The following HDAC9 variants were observed in gnomAD, a reference collection of about 807,000 sequenced individuals.
HDAC9 encodes MEF-2 interacting transcription repressor (MITR) protein.
A neutral mutation model predicts 139.4 loss-of-function variants in HDAC9; 41 were observed. The ratio of observed to expected loss-of-function variants is 0.29; its 90% CI spans 0.23 to 0.38. The LOEUF is 0.38. Ranked by LOEUF, HDAC9 falls within the 10% of genes least tolerant of loss-of-function variation. The pLI, the probability that HDAC9 is intolerant of heterozygous loss-of-function variation, is 1.00. For synonymous variants in HDAC9, 517 were observed against 476.2 expected, an observed-to-expected ratio of 1.09 and a Z score of -1.12; for missense variants, 1,147 against 1,297.0, an observed-to-expected ratio of 0.88 and a Z score of 1.78.
intron 22 of HDAC9, among the ~76,000 whole-genome samples, chr7:18,881,722 G>C (rs1024960008): frequency 6.6e-6 from 1 of 152,028 alleles, no homozygotes; most frequent in African/African-American, 2.4e-5. Context: ...TAATGTTATG[G>C]TTGTAATATT....
chr7:18,141,404 C>T (rs1255444439), intron 1 of HDAC9, among the ~76,000 whole-genome samples: 3 of 152,128 alleles, frequency 2.0e-5, no homozygotes, highest in African/African-American at 7.2e-5. Flanking sequence ...CCATCAGAGC[C>T]TATAGGCAGG....
chr7:18,449,725 A>G (rs527434696), intron 1 of HDAC9, among the ~76,000 whole-genome samples: 1 of 152,312 alleles, frequency 6.6e-6, no homozygotes, highest in South Asian at 2.1e-4. Flanking sequence ...AATATTACTG[A>G]AAATTTTATT....
intron 25 of HDAC9, among the ~76,000 whole-genome samples, chr7:18,994,608 C>A (rs1055667176): frequency 4.0e-5 from 6 of 151,894 alleles, no homozygotes; most frequent in African/African-American, 1.5e-4. Context: ...GATTATCATT[C>A]TTTATTTTTA....
At chr7:18,515,543 A>G (rs1039368092) in intron 2 of HDAC9, among the ~76,000 whole-genome samples, 1 of 152,222 alleles carries the variant, frequency 6.6e-6, no homozygotes. Flanking sequence ...AGTATCCTGG[A>G]CCAAGATTTG....
intron 2 of HDAC9, among the ~76,000 whole-genome samples, chr7:18,223,883 C>T (rs1294085570): frequency 1.3e-5 from 2 of 152,114 alleles, no homozygotes; most frequent in Non-Finnish European, 2.9e-5. Context: ...TCACACATAT[C>T]TTTTCTTCCA....
chr7:18,207,812 T>C (rs1170577520), intron 2 of HDAC9, among the ~76,000 whole-genome samples: 1 of 151,920 alleles, frequency 6.6e-6, no homozygotes. Context: ...CCTCCCGGGT[T>C]CAAGCAATTC....
intron 2 of HDAC9, among the ~76,000 whole-genome samples, chr7:18,575,861 C>G (rs2128756537): frequency 6.6e-6 from 1 of 152,296 alleles, no homozygotes; most frequent in South Asian, 2.1e-4. Flanking sequence ...ATTCACACCA[C>G]ACATGCACTG....
intron 2 of HDAC9, among the ~76,000 whole-genome samples, chr7:18,562,102 C>G (rs1820798174): frequency 6.6e-6 from 1 of 152,124 alleles, no homozygotes; most frequent in Admixed American, 6.5e-5. Flanking sequence ...GAGTGATTTT[C>G]AAGGACTTAT....
intron 11 of HDAC9, among the ~76,000 whole-genome samples, chr7:18,651,111 T>A (rs1789119549): frequency 6.6e-6 from 1 of 152,170 alleles, no homozygotes; most frequent in African/African-American, 2.4e-5. Flanking sequence ...GTGACAAGGA[T>A]GTTTATTTCA....
intron 22 of HDAC9, among the ~76,000 whole-genome samples, chr7:18,909,845 G>A (rs1004588643): frequency 6.6e-6 from 1 of 151,908 alleles, no homozygotes; most frequent in Non-Finnish European, 1.5e-5. Flanking sequence ...GCCAAGATAT[G>A]TTGGTTATTA....
chr7:18,812,876 G>T (rs1351622788), intron 17 of HDAC9, among the ~76,000 whole-genome samples: 1 of 151,602 alleles, frequency 6.6e-6, no homozygotes, highest in Non-Finnish European at 1.5e-5. Context: ...TGTTTTTCTT[G>T]CCCTGTCTTT....
chr7:18,747,735 T>A (rs1204017805), intron 13 of HDAC9, among the ~76,000 whole-genome samples: 1 of 152,110 alleles, frequency 6.6e-6, no homozygotes, highest in Non-Finnish European at 1.5e-5. Context: ...GAATAGATAT[T>A]ATTTGGAATG....
chr7:18,214,722 T>G (rs368293990), intron 2 of HDAC9, among the ~76,000 whole-genome samples: 1 of 152,068 alleles, frequency 6.6e-6, no homozygotes, highest in South Asian at 2.1e-4. Flanking sequence ...AAATAATACC[T>G]TTATGTTTTT....
At chr7:18,690,662 C>G (rs969599868) in intron 12 of HDAC9, among the ~76,000 whole-genome samples, 31 of 151,854 alleles carry the variant, frequency 2.0e-4, no homozygotes, top group African/African-American at 1.2e-4. Context: ...GGCTATAGTA[C>G]ACATTGTGCA....
At chr7:18,398,252 C>T (rs1787228366) in intron 1 of HDAC9, among the ~76,000 whole-genome samples, 1 of 152,088 alleles carries the variant, frequency 6.6e-6, no homozygotes, top group Non-Finnish European at 1.5e-5. Flanking sequence ...CTCAGAAAAA[C>T]ATAGACTAGC....
At chr7:18,766,971 G>A in intron 15 of HDAC9, 135 bp from the exon 16 acceptor site, 1 of 465,800 alleles carries the variant, frequency 2.1e-6, no homozygotes, top group Non-Finnish European at 3.8e-6. Flanking sequence ...TAATTGGTCT[G>A]AAGTTTTATT....
chr7:18,923,950 CA>C (rs1156736902), intron 22 of HDAC9, among the ~76,000 whole-genome samples: 1 of 151,192 alleles, frequency 6.6e-6, no homozygotes, highest in African/African-American at 2.4e-5. Flanking sequence ...TTTTTAATGG[CA>C]GGTGGGAATA....
chr7:18,292,759 A>G (rs2128225639), intron 1 of HDAC9, among the ~76,000 whole-genome samples: 1 of 152,288 alleles, frequency 6.6e-6, no homozygotes, highest in Non-Finnish European at 1.5e-5. Flanking sequence ...AAAACAAATG[A>G]TAAACATTGA....
At chr7:18,995,051 T>G (rs1786350389) in intron 25 of HDAC9, among the ~76,000 whole-genome samples, 2 of 152,344 alleles carry the variant, frequency 1.3e-5, no homozygotes, top group African/African-American at 4.8e-5. Flanking sequence ...AAGTATTAAG[T>G]AATGTCTCAT....
Sources: gnomAD v4.1 joint callset for allele counts (sites outside exome capture counted in the v4.1 genomes callset) on GRCh38, gnomAD v4.1.1 for gene constraint, MANE v1.5 for transcripts, NCBI Gene and HGNC (gene_info 2026-07-23, HGNC 2026-07-21) for gene names.